ZNF676: variants seen among roughly 807,000 people sequenced by gnomAD.
ZNF676 encodes zinc finger protein 676.
ZNF676 carries 4 observed loss-of-function variants against 6.0 expected under a neutral mutation model. That is an observed-to-expected ratio of 0.67 (90% CI 0.33 to 1.53). The LOEUF (loss-of-function observed/expected upper bound fraction) is 1.53. Ranked by LOEUF, ZNF676 falls within the 40% of genes most tolerant of loss-of-function variation. The pLI is 0.06. For missense variants in ZNF676, 644 were observed against 679.7 expected, an observed-to-expected ratio of 0.95 and a Z score of 0.58; for synonymous variants, 198 against 223.1, an observed-to-expected ratio of 0.89 and a Z score of 1.00.
At chr19:22,241,869 CATCCATGTATGAAGT>C in the ZNF676 span, among the ~76,000 whole-genome samples, 1 of 151,870 alleles carries the variant, frequency 6.6e-6, no homozygotes, top group Non-Finnish European at 1.5e-5. Flanking sequence ...CTGTAAGCTG[CATCCATGTATGAAGT>C]TCAAGAACTC....
the ZNF676 span, among the ~76,000 whole-genome samples, chr19:22,226,090 AT>A: frequency 6.6e-6 from 1 of 151,846 alleles, no homozygotes; most frequent in African/African-American, 2.4e-5. Flanking sequence ...TTTTATATAA[AT>A]TTTTTTGTCT....
chr19:22,258,768 T>C, the ZNF676 span, among the ~76,000 whole-genome samples: 2 of 152,140 alleles, frequency 1.3e-5, no homozygotes, highest in Non-Finnish European at 2.9e-5. Flanking sequence ...TAGATTCCCA[T>C]CACCTAGGTC....
upstream of ZNF676, among the ~76,000 whole-genome samples, chr19:22,219,101 G>GC (rs1555776279): frequency 2.2e-4 from 27 of 124,540 alleles, no homozygotes; most frequent in Non-Finnish European, 2.2e-4. Flanking sequence ...TTTTTGTTTT[G>GC]TTTTTTTTTC....
chr19:22,195,660 T>C (rs752994347), intron 1 of ZNF676, among the ~76,000 whole-genome samples: 10 of 152,220 alleles, frequency 6.6e-5, no homozygotes, highest in Non-Finnish European at 1.3e-4. Context: ...TTGAAATCCA[T>C]GGTTCTATGG....
the ZNF676 span, among the ~76,000 whole-genome samples, chr19:22,254,468 A>C: frequency 1.3e-5 from 2 of 152,204 alleles, no homozygotes; most frequent in Non-Finnish European, 2.9e-5. Context: ...AATGATGCCC[A>C]GCTATATGTA....
the ZNF676 span, among the ~76,000 whole-genome samples, chr19:22,236,377 AC>A: frequency 6.6e-6 from 1 of 152,000 alleles, no homozygotes; most frequent in African/African-American, 2.4e-5. Flanking sequence ...TAAGTACATG[AC>A]CTCCATAAGC....
At chr19:22,257,099 G>A in the ZNF676 span, among the ~76,000 whole-genome samples, 7 of 152,162 alleles carry the variant, frequency 4.6e-5, no homozygotes, top group Admixed American at 4.6e-4. Context: ...TGGGTGCTGG[G>A]ACAGGAATAT....
chr19:22,249,783 A>G, the ZNF676 span, among the ~76,000 whole-genome samples: 1 of 151,750 alleles, frequency 6.6e-6, no homozygotes, highest in Non-Finnish European at 1.5e-5. Flanking sequence ...TTTAAAGCAC[A>G]GATCTGTTCC....
chr19:22,227,409 G>A, the ZNF676 span, among the ~76,000 whole-genome samples: 5 of 152,290 alleles, frequency 3.3e-5, no homozygotes, highest in African/African-American at 1.2e-4. Flanking sequence ...GAGAAAGCAG[G>A]AAAGGTCTAA....
chr19:22,236,417 T>A, the ZNF676 span, among the ~76,000 whole-genome samples: 18 of 152,300 alleles, frequency 1.2e-4, 1 homozygote, highest in South Asian at 3.7e-3. Context: ...ACCACAGTGA[T>A]GTTTTGGGTC....
At chr19:22,240,723 C>T in the ZNF676 span, among the ~76,000 whole-genome samples, 6 of 151,828 alleles carry the variant, frequency 4.0e-5, no homozygotes, top group South Asian at 2.1e-4. Context: ...AGCCCAGGAG[C>T]GGAGTTTTCA....
At chr19:22,243,040 T>G in the ZNF676 span, among the ~76,000 whole-genome samples, 1 of 151,780 alleles carries the variant, frequency 6.6e-6, no homozygotes, top group South Asian at 2.1e-4. Flanking sequence ...AGCCCAGTAT[T>G]AAGTTACTCT....
chr19:22,192,520 G>T (rs937010674), intron 2 of ZNF676, among the ~76,000 whole-genome samples: 7 of 151,924 alleles, frequency 4.6e-5, no homozygotes, highest in Non-Finnish European at 8.8e-5. Context: ...TAAAAAAGCA[G>T]AAGGATATTA....
intron 1 of ZNF676, among the ~76,000 whole-genome samples, chr19:22,202,707 A>G (rs530089754): frequency 6.6e-6 from 1 of 152,358 alleles, no homozygotes; most frequent in East Asian, 1.9e-4. Flanking sequence ...TAATTCATCT[A>G]CAAGTAGAAT....
the ZNF676 span, among the ~76,000 whole-genome samples, chr19:22,251,885 T>C: frequency 2.6e-5 from 4 of 152,122 alleles, no homozygotes; most frequent in East Asian, 7.7e-4. Context: ...CATTTGCCCT[T>C]ATTTAGTTTA....
the ZNF676 span, among the ~76,000 whole-genome samples, chr19:22,237,339 C>T: frequency 6.6e-6 from 1 of 152,150 alleles, no homozygotes; most frequent in Admixed American, 6.6e-5. Flanking sequence ...TTAGTGGGTC[C>T]AAATAAATAA....
At chr19:22,215,803 C>A (rs568476123), upstream of ZNF676, 28 of 679,892 alleles carry the variant, frequency 4.1e-5, no homozygotes, top group East Asian at 6.5e-4. Context: ...CCTGTCCCCC[C>A]CCCCAGCTGC....
chr19:22,190,304 CA>C (rs1361105972), intron 2 of ZNF676, among the ~76,000 whole-genome samples: 2 of 151,620 alleles, frequency 1.3e-5, no homozygotes, highest in Non-Finnish European at 2.9e-5. Context: ...CTCAAATATA[CA>C]GGAATTTAAC....
upstream of ZNF676, among the ~76,000 whole-genome samples, chr19:22,198,804 C>A (rs1173458563): frequency 1.3e-5 from 2 of 152,040 alleles, no homozygotes; most frequent in Admixed American, 6.6e-5. Context: ...GACACAGGCA[C>A]CAGCAATTTC....
Sources: gnomAD v4.1 joint callset for allele counts (sites outside exome capture counted in the v4.1 genomes callset) on GRCh38, gnomAD v4.1.1 for gene constraint, MANE v1.5 for transcripts, NCBI Gene and HGNC (gene_info 2026-07-23, HGNC 2026-07-21) for gene names.